DNAAF11: variants seen among roughly 807,000 people sequenced by gnomAD.
The protein encoded by DNAAF11 is leucine rich repeat containing 6.
DNAAF11 carries 45 observed loss-of-function variants against 60.8 expected under a neutral mutation model. The ratio of observed to expected loss-of-function variants is 0.74; its 90% confidence interval spans 0.58 to 0.95. The LOEUF is 0.95. DNAAF11 is among the 40% of genes least tolerant of loss of function. DNAAF11 has a pLI of 0.00. For missense variants in DNAAF11, 546 were observed against 546.2 expected (o/e 1.00, Z 0.00); for synonymous variants, 191 against 183.5 (o/e 1.04, Z -0.33).
At chr8:132,586,453 C>A (rs1815903781) in intron 10 of DNAAF11, among the ~76,000 whole-genome samples, 1 of 152,148 alleles carries the variant, frequency 6.6e-6, no homozygotes, top group Admixed American at 6.5e-5. Context: ...AGGAACATAA[C>A]CACAGTCAGC....
chr8:132,701,388 T>C, the DNAAF11 span, among the ~76,000 whole-genome samples: 37 of 152,204 alleles, frequency 2.4e-4, 1 homozygote, highest in Admixed American at 1.9e-3. Context: ...CTTGTAGTCA[T>C]GAGGAAAGAT....
At chr8:132,650,091 C>T (rs1373995386) in intron 3 of DNAAF11, among the ~76,000 whole-genome samples, 1 of 152,192 alleles carries the variant, frequency 6.6e-6, no homozygotes, top group East Asian at 1.9e-4. Flanking sequence ...CAGCACTATT[C>T]ACAACAGCAA....
At chr8:132,595,347 GGAAAAAAAAAAAA>G (rs1450115316) in intron 10 of DNAAF11, among the ~76,000 whole-genome samples, 12 of 40,674 alleles carry the variant, frequency 3.0e-4, no homozygotes, top group Admixed American at 8.8e-4. Flanking sequence ...GAGACAGAGG[GGAAAAAAAAAAAA>G]AAAAAAAAAA....
At chr8:132,628,061 A>G (rs1476775927) in intron 5 of DNAAF11, among the ~76,000 whole-genome samples, 2 of 152,158 alleles carry the variant, frequency 1.3e-5, no homozygotes, top group Non-Finnish European at 2.9e-5. Flanking sequence ...CTTGGACAGC[A>G]TCTCTTCAAG....
chr8:132,629,371 G>A (rs79845463), intron 5 of DNAAF11, among the ~76,000 whole-genome samples: 9,172 of 146,578 alleles, frequency 0.063, 378 homozygotes, highest in South Asian at 0.084. Context: ...TTTTTAAGAC[G>A]GAGTCTCGCC....
intron 1 of DNAAF11, 70 bp downstream of exon 1, chr8:132,675,414 G>A (rs1825700101): frequency 1.3e-6 from 2 of 1,499,796 alleles, no homozygotes; most frequent in Admixed American, 3.9e-5. Context: ...CGGGCGGCGA[G>A]GATCCCACGA....
intron 10 of DNAAF11, among the ~76,000 whole-genome samples, chr8:132,592,122 A>G (rs993981052): frequency 1.3e-5 from 2 of 152,200 alleles, no homozygotes; most frequent in Admixed American, 1.3e-4. Context: ...ATTTCAATCA[A>G]CAGGTATTTT....
At chr8:132,689,865 A>G in the DNAAF11 span, among the ~76,000 whole-genome samples, 3 of 151,962 alleles carry the variant, frequency 2.0e-5, no homozygotes, top group African/African-American at 7.3e-5. Context: ...GGCTCGCACC[A>G]TTGCATCCTG....
rs74599901 is a variant in DNAAF11, at chr8:132,638,081, G to A, written c.283C>T (p.Leu95=). The A allele has an allele frequency of 4.2e-3, 6,785 of 1,613,878 alleles. 270 individuals are homozygous for A. In the African/African-American group the frequency reaches 0.079, roughly 19 times the overall value. Residue 95 remains leucine, a synonymous_variant, in exon 4 of 12, where the codon CTG becomes TTG. Transcript: ENST00000620350. ...AGCTCTCCAATGAAATTCACAGTCA[G>A]GTCAAGTTTTGCCAGCTCTTCACAT... ...EGCEELAKLD[L]TVNFIGELSS... is the part of the protein sequence containing the mutation.
At chr8:132,685,777 A>G in the DNAAF11 span, among the ~76,000 whole-genome samples, 3 of 152,108 alleles carry the variant, frequency 2.0e-5, no homozygotes, top group Non-Finnish European at 4.4e-5. Flanking sequence ...CTAATTTTCC[A>G]CCTGCGCTGT....
chr8:132,604,383 A>AAGCAAGATATTCACCACTTTT (rs1453140507), intron 10 of DNAAF11, among the ~76,000 whole-genome samples: 1 of 152,198 alleles, frequency 6.6e-6, no homozygotes, highest in Non-Finnish European at 1.5e-5. Context: ...AAACAGAATT[A>AAGCAAGATATTCACCACTTTT]AGCAAGATAT....
chr8:132,687,780 C>G, the DNAAF11 span: 1 of 435,282 alleles, frequency 2.3e-6, no homozygotes, highest in Admixed American at 2.5e-5. Flanking sequence ...AATTATGCTG[C>G]TTTTGGCTTT....
intron 3 of DNAAF11, among the ~76,000 whole-genome samples, chr8:132,655,497 G>A (rs1395298880): frequency 6.6e-6 from 1 of 152,054 alleles, no homozygotes; most frequent in Non-Finnish European, 1.5e-5. Flanking sequence ...GTGCCTCAGA[G>A]GCCACCATCA....
At chr8:132,594,765 G>C (rs1816814026) in intron 10 of DNAAF11, among the ~76,000 whole-genome samples, 2 of 152,154 alleles carry the variant, frequency 1.3e-5, no homozygotes, top group Admixed American at 1.3e-4. Context: ...ATGAGTGTAA[G>C]TTTCCTGAGG....
intron 3 of DNAAF11, among the ~76,000 whole-genome samples, chr8:132,639,791 A>C (rs1474446699): frequency 6.6e-6 from 1 of 152,102 alleles, no homozygotes; most frequent in Non-Finnish European, 1.5e-5. Flanking sequence ...TCATCCACCC[A>C]TATAGGAGTT....
At chr8:132,658,657 T>A (rs931042437) in intron 2 of DNAAF11, among the ~76,000 whole-genome samples, 1 of 152,006 alleles carries the variant, frequency 6.6e-6, no homozygotes. Context: ...ACTATGAGAG[T>A]CTCGTCCACA....
At chr8:132,618,967 T>C (rs1004701660) in intron 7 of DNAAF11, among the ~76,000 whole-genome samples, 10 of 152,114 alleles carry the variant, frequency 6.6e-5, no homozygotes, top group African/African-American at 2.4e-4. Flanking sequence ...CAAAGGACTA[T>C]AAATCATGCT....
At chr8:132,602,554 C>G (rs1392397556) in intron 10 of DNAAF11, among the ~76,000 whole-genome samples, 1 of 151,944 alleles carries the variant, frequency 6.6e-6, no homozygotes, top group African/African-American at 2.4e-5. Context: ...CAAATTAAAA[C>G]AGTGTTTTAC....
intron 3 of DNAAF11, among the ~76,000 whole-genome samples, chr8:132,645,048 T>C (rs375014770): frequency 1.1e-4 from 17 of 152,326 alleles, no homozygotes; most frequent in East Asian, 5.8e-4. Context: ...AGTGGGTCCC[T>C]GACCCCTGGG....
Sources: gnomAD v4.1 joint callset for allele counts (sites outside exome capture counted in the v4.1 genomes callset) on GRCh38, gnomAD v4.1.1 for gene constraint, MANE v1.5 for transcripts, NCBI Gene and HGNC (gene_info 2026-07-23, HGNC 2026-07-21) for gene names.